ALK: variants seen among roughly 807,000 people sequenced by gnomAD.
ALK encodes ALK receptor tyrosine kinase.
In ALK, 74 loss-of-function variants were observed where a neutral mutation model predicts 163.1. The ratio of observed to expected loss-of-function variants is 0.45; its 90% CI spans 0.38 to 0.55. ALK has a LOEUF of 0.55. ALK is among the 20% of genes least tolerant of loss of function. The pLI is 0.00. For synonymous variants in ALK, 960 were observed against 843.2 expected (o/e 1.14, Z -2.40); for missense variants, 2,063 against 2,105.3 (o/e 0.98, Z 0.39).
intron 1 of ALK, among the ~76,000 whole-genome samples, chr2:29,864,961 T>C (rs532001286): frequency 9.2e-5 from 14 of 152,354 alleles, no homozygotes; most frequent in African/African-American, 3.1e-4. Context: ...GCAGGGCTGA[T>C]ATCCATCAGA....
At chr2:29,573,932 G>C (rs1674450526) in intron 3 of ALK, among the ~76,000 whole-genome samples, 1 of 152,152 alleles carries the variant, frequency 6.6e-6, no homozygotes, top group Non-Finnish European at 1.5e-5. Context: ...GCTGACATTT[G>C]AGCAGAGACC....
chr2:29,374,108 T>G (rs902273244), intron 5 of ALK, among the ~76,000 whole-genome samples: 1 of 152,136 alleles, frequency 6.6e-6, no homozygotes, highest in Non-Finnish European at 1.5e-5. Flanking sequence ...TACCCCAGGA[T>G]AGTTGTGCAG....
chr2:29,380,674 T>C (rs549405602), intron 5 of ALK, among the ~76,000 whole-genome samples: 1 of 152,256 alleles, frequency 6.6e-6, no homozygotes, highest in East Asian at 1.9e-4. Flanking sequence ...CCTCAGGTAA[T>C]CCGCCCACCT....
At chr2:29,503,592 G>A (rs1319692253) in intron 4 of ALK, among the ~76,000 whole-genome samples, 3 of 152,166 alleles carry the variant, frequency 2.0e-5, no homozygotes, top group East Asian at 3.9e-4. Flanking sequence ...GGGGAACCTG[G>A]AAATGCTTTA....
At chr2:29,376,405 A>G (rs1668753816) in intron 5 of ALK, among the ~76,000 whole-genome samples, 1 of 152,238 alleles carries the variant, frequency 6.6e-6, no homozygotes, top group Non-Finnish European at 1.5e-5. Flanking sequence ...AATTAAATAT[A>G]ACTCAAAGAT....
chr2:29,230,910 C>T (rs775865296), intron 15 of ALK, among the ~76,000 whole-genome samples: 3 of 152,172 alleles, frequency 2.0e-5, no homozygotes, highest in Non-Finnish European at 2.9e-5. Context: ...GGAGACCATG[C>T]GCTGTGCTTT....
intron 1 of ALK, among the ~76,000 whole-genome samples, chr2:29,752,169 A>G (rs1680382905): frequency 6.6e-6 from 1 of 152,106 alleles, no homozygotes; most frequent in African/African-American, 2.4e-5. Context: ...ACCATATTTT[A>G]AATTTTGCCT....
intron 1 of ALK, among the ~76,000 whole-genome samples, chr2:29,883,766 C>T (rs971861938): frequency 6.6e-6 from 1 of 152,084 alleles, no homozygotes; most frequent in Non-Finnish European, 1.5e-5. Context: ...GGTCCACTTA[C>T]ATGTGAATTT....
chr2:29,392,845 T>C (rs1018863637), intron 4 of ALK, among the ~76,000 whole-genome samples: 1 of 152,214 alleles, frequency 6.6e-6, no homozygotes, highest in African/African-American at 2.4e-5. Context: ...AAATACCCTG[T>C]GCCCTCTGAA....
chr2:29,326,381 T>C (rs1401561053), intron 6 of ALK, among the ~76,000 whole-genome samples: 3 of 152,156 alleles, frequency 2.0e-5, no homozygotes, highest in South Asian at 2.1e-4. Context: ...CAATTGTCAA[T>C]CAGGGCATGG....
chr2:29,756,090 G>A, intron 1 of ALK, among the ~76,000 whole-genome samples: 1 of 152,138 alleles, frequency 6.6e-6, no homozygotes, highest in East Asian at 1.9e-4. Context: ...CACATCCTTG[G>A]GCTCCCTGCA....
chr2:29,548,806 G>A (rs75484514), intron 3 of ALK, among the ~76,000 whole-genome samples: 116 of 152,258 alleles, frequency 7.6e-4, no homozygotes, highest in African/African-American at 2.8e-3. Flanking sequence ...CTAAAGCAGT[G>A]TCATATTTCT....
chr2:29,810,475 T>C (rs1664729436), intron 1 of ALK, among the ~76,000 whole-genome samples: 2 of 149,982 alleles, frequency 1.3e-5, no homozygotes, highest in Non-Finnish European at 3.0e-5. Context: ...ATCAATGAGA[T>C]AATGGCTGAG....
At chr2:29,663,906 T>C (rs1459092668) in intron 3 of ALK, among the ~76,000 whole-genome samples, 2 of 152,156 alleles carry the variant, frequency 1.3e-5, no homozygotes, top group East Asian at 3.9e-4. Context: ...TTTTGCTCCA[T>C]GATGAAACCA....
chr2:29,518,692 T>C (rs998770414), intron 4 of ALK, among the ~76,000 whole-genome samples: 1 of 152,196 alleles, frequency 6.6e-6, no homozygotes, highest in Non-Finnish European at 1.5e-5. Flanking sequence ...GTGGCAACTA[T>C]GCTGTAGAAG....
chr2:29,389,546 G>C (rs1669111843), intron 4 of ALK, among the ~76,000 whole-genome samples: 1 of 152,214 alleles, frequency 6.6e-6, no homozygotes, highest in Non-Finnish European at 1.5e-5. Flanking sequence ...CTTAATGCCA[G>C]AATGGTGGAT....
At chr2:29,722,270 G>T (rs1211658194) in intron 1 of ALK, among the ~76,000 whole-genome samples, 1 of 152,232 alleles carries the variant, frequency 6.6e-6, no homozygotes. Context: ...ACCAGCTGAT[G>T]ATCAATAAAT....
At chr2:29,427,349 A>T (rs1216646408) in intron 4 of ALK, among the ~76,000 whole-genome samples, 1 of 152,112 alleles carries the variant, frequency 6.6e-6, no homozygotes, top group Non-Finnish European at 1.5e-5. Flanking sequence ...ATAACAATGT[A>T]TTTGTGGTAA....
In ALK at chr2:29,197,554, C is replaced by A. The variant is rs963770969; in HGVS notation, c.4061G>T (p.Cys1354Phe). The A allele has an allele frequency of 3.1e-6, 5 of 1,613,478 alleles. No individual in the cohort carries two copies. Among genetic ancestry groups the A allele is most frequent in the Admixed American group, 3.3e-5 (2 of 60,006 alleles). The change falls in exon 27 of 29, where the codon TGC (cysteine) becomes TTC (phenylalanine). Residue 1354 changes from cysteine to phenylalanine, a missense_variant. By Grantham distance (205) the Cys-to-Phe change is radical (BLOSUM62 -2). This residue lies in a region of ALK where 403 missense variants were observed against 366.2 expected (regional missense o/e 1.10). Coordinates refer to ENST00000389048, the MANE Select transcript of ALK (RefSeq NM_004304.5). ...SGGRMDPPKN[C>F]PGPVYRIMTQ... The stretch of plus-strand genomic sequence containing the variant: ...AAAAGAGTCATACACAGGCCCAGGG[C>A]AGTTCTTGGGTGGGTCCATCCGGCC...
Sources: gnomAD v4.1 joint callset for allele counts (sites outside exome capture counted in the v4.1 genomes callset) on GRCh38, gnomAD v4.1.1 for gene constraint, gnomAD v4.1.1 regional missense constraint, MANE v1.5 for transcripts, NCBI Gene and HGNC (gene_info 2026-07-23, HGNC 2026-07-21) for gene names.